CTNNA2: variants seen among roughly 807,000 people sequenced by gnomAD.
CTNNA2 encodes catenin alpha 2.
CTNNA2 carries 42 observed loss-of-function variants against 101.0 expected under a neutral mutation model. The observed-to-expected ratio is 0.42, with a 90% CI of 0.32 to 0.54. The LOEUF is 0.54. Among genes scored for constraint, CTNNA2 ranks in the 20% least tolerant of loss-of-function variants. The probability of loss-of-function intolerance (pLI) is 0.14; values close to 1 mark genes in which losing one functional copy is unlikely to be tolerated. For synonymous variants in CTNNA2, 450 were observed against 456.4 expected (o/e 0.99, Z 0.18); for missense variants, 871 against 1,223.1 (o/e 0.71, Z 4.29).
intron 12 of CTNNA2, among the ~76,000 whole-genome samples, chr2:80,558,266 A>G (rs1054153818): frequency 1.3e-5 from 2 of 152,184 alleles, no homozygotes; most frequent in African/African-American, 4.8e-5. Context: ...GAATAATGTT[A>G]CTATTTTGTG....
At chr2:80,312,902 C>T (rs1677730022) in intron 7 of CTNNA2, among the ~76,000 whole-genome samples, 1 of 152,182 alleles carries the variant, frequency 6.6e-6, no homozygotes, top group South Asian at 2.1e-4. Context: ...AGAATTGCCA[C>T]ATAGCACTAG....
intron 3 of CTNNA2, among the ~76,000 whole-genome samples, chr2:79,319,530 C>T (rs1329677166): frequency 3.3e-5 from 5 of 151,718 alleles, no homozygotes. Context: ...TCTCCCCTTA[C>T]TTACTGTAAA....
At chr2:79,592,195 A>G (rs1558755875) in intron 1 of CTNNA2, among the ~76,000 whole-genome samples, 1 of 149,552 alleles carries the variant, frequency 6.7e-6, no homozygotes, top group Admixed American at 6.7e-5. Context: ...ATCTCGGCTC[A>G]CTGCAACCTC....
At chr2:79,857,309 T>C (rs1252510593) in intron 3 of CTNNA2, among the ~76,000 whole-genome samples, 2 of 152,280 alleles carry the variant, frequency 1.3e-5, no homozygotes, top group Admixed American at 6.5e-5. Context: ...ACTTAATTAC[T>C]GTATTCTGAT....
intron 4 of CTNNA2, among the ~76,000 whole-genome samples, chr2:79,419,346 C>A (rs1039197598): frequency 2.0e-5 from 3 of 151,952 alleles, no homozygotes; most frequent in Admixed American, 6.6e-5. Context: ...CACTGGAAAA[C>A]TAGTTATATA....
chr2:79,884,642 C>G (rs181873030), intron 6 of CTNNA2, among the ~76,000 whole-genome samples: 14 of 152,208 alleles, frequency 9.2e-5, no homozygotes, highest in Admixed American at 9.2e-4. Flanking sequence ...AAATGTTACC[C>G]TGGTATAGCA....
chr2:80,350,297 C>T (rs1050780221), intron 7 of CTNNA2, among the ~76,000 whole-genome samples: 8 of 152,054 alleles, frequency 5.3e-5, no homozygotes, highest in South Asian at 2.1e-4. Context: ...CACAGATTTC[C>T]GAATGAAATG....
At chr2:79,246,953 C>T (rs1340817551) in intron 2 of CTNNA2, among the ~76,000 whole-genome samples, 1 of 152,218 alleles carries the variant, frequency 6.6e-6, no homozygotes. Flanking sequence ...ATCCTGGAGA[C>T]CTGAAAGCTA....
chr2:80,524,215 T>C (rs1376609494), intron 9 of CTNNA2, among the ~76,000 whole-genome samples: 1 of 152,148 alleles, frequency 6.6e-6, no homozygotes, highest in Admixed American at 6.5e-5. Flanking sequence ...TCAGGGGAGA[T>C]GTACTTCACC....
intron 2 of CTNNA2, among the ~76,000 whole-genome samples, chr2:79,721,823 T>C (rs1686509810): frequency 6.6e-6 from 1 of 152,242 alleles, no homozygotes. Flanking sequence ...ATTATGGTTT[T>C]CAATTTAATA....
intron 7 of CTNNA2, among the ~76,000 whole-genome samples, chr2:79,984,427 G>T (rs1691613619): frequency 6.6e-6 from 1 of 152,150 alleles, no homozygotes; most frequent in Non-Finnish European, 1.5e-5. Flanking sequence ...CATTTATCAT[G>T]CTGGTCTCTG....
At chr2:79,636,455 T>C (rs1392511759) in intron 1 of CTNNA2, among the ~76,000 whole-genome samples, 3 of 151,494 alleles carry the variant, frequency 2.0e-5, no homozygotes, top group African/African-American at 2.4e-5. Context: ...AAGAAGAGGG[T>C]ACAAAGACGA....
At chr2:79,835,124 A>G (rs951746957) in intron 3 of CTNNA2, among the ~76,000 whole-genome samples, 3 of 152,102 alleles carry the variant, frequency 2.0e-5, no homozygotes, top group African/African-American at 7.2e-5. Context: ...ATTCTTCACA[A>G]TCCTCTTGGC....
chr2:80,195,517 T>TCTTA (rs1170698603), intron 7 of CTNNA2, among the ~76,000 whole-genome samples: 1 of 152,144 alleles, frequency 6.6e-6, no homozygotes, highest in Non-Finnish European at 1.5e-5. Context: ...CTCACTCCAA[T>TCTTA]CTTAATCCTT....
At chr2:79,335,342 G>A (rs116441814) in intron 3 of CTNNA2, among the ~76,000 whole-genome samples, 16 of 152,248 alleles carry the variant, frequency 1.1e-4, no homozygotes, top group Admixed American at 2.6e-4. Flanking sequence ...CTCAGAGGGG[G>A]ACAATGCTTT....
intron 3 of CTNNA2, among the ~76,000 whole-genome samples, chr2:79,857,325 G>A (rs1681219404): frequency 6.6e-6 from 1 of 152,154 alleles, no homozygotes; most frequent in Admixed American, 6.5e-5. Flanking sequence ...CTGATTATGT[G>A]TTGACATACC....
chr2:79,588,406 A>G (rs575043559), intron 1 of CTNNA2, among the ~76,000 whole-genome samples: 2 of 152,338 alleles, frequency 1.3e-5, no homozygotes, highest in South Asian at 4.1e-4. Flanking sequence ...AATAATCTTT[A>G]GCTTTGGGTT....
At chr2:80,048,203 G>A (rs1454229574) in intron 7 of CTNNA2, among the ~76,000 whole-genome samples, 1 of 152,062 alleles carries the variant, frequency 6.6e-6, no homozygotes, top group Non-Finnish European at 1.5e-5. Context: ...TTTAGTATAA[G>A]TAGATTCCAT....
At chr2:80,286,511 T>C (rs1169437484) in intron 7 of CTNNA2, among the ~76,000 whole-genome samples, 2 of 152,226 alleles carry the variant, frequency 1.3e-5, no homozygotes, top group African/African-American at 2.4e-5. Context: ...TAGCTACTTA[T>C]AAAATATCAA....
Sources: gnomAD v4.1 joint callset for allele counts (sites outside exome capture counted in the v4.1 genomes callset) on GRCh38, gnomAD v4.1.1 for gene constraint, MANE v1.5 for transcripts, NCBI Gene and HGNC (gene_info 2026-07-23, HGNC 2026-07-21) for gene names.